Variants in GABRB1 observed in about 807,000 individuals in gnomAD.
GABRB1 encodes the protein gamma-aminobutyric acid type A receptor subunit beta1, also known as gamma-aminobutyric acid receptor subunit beta-1.
GABRB1 carries 17 observed loss-of-function variants against 51.6 expected under a neutral mutation model. That is an observed-to-expected ratio of 0.33 (90% CI 0.23 to 0.49). GABRB1 has a LOEUF of 0.49. Ranked by LOEUF, GABRB1 falls within the 20% of genes least tolerant of loss-of-function variation. The pLI, the probability that GABRB1 is intolerant of heterozygous loss-of-function variation, is 0.99. For missense variants in GABRB1, 410 were observed against 600.6 expected (o/e 0.68, Z 3.32); for synonymous variants, 247 against 218.9 (o/e 1.13, Z -1.14).
At chr4:47,138,656 C>A (rs759873893) in intron 3 of GABRB1, among the ~76,000 whole-genome samples, 5 of 152,116 alleles carry the variant, frequency 3.3e-5, no homozygotes, top group Admixed American at 1.3e-4. Context: ...TGGTGCTGCT[C>A]GATACCTTTC....
intron 4 of GABRB1, among the ~76,000 whole-genome samples, chr4:47,195,472 TAGATA>T (rs1282819794): frequency 8.0e-5 from 7 of 87,666 alleles, no homozygotes; most frequent in Admixed American, 1.3e-4. Flanking sequence ...GATAGATAGA[TAGATA>T]GATAGATAGA....
chr4:47,089,018 T>A (rs1166875119), intron 3 of GABRB1, among the ~76,000 whole-genome samples: 1 of 152,236 alleles, frequency 6.6e-6, no homozygotes, highest in African/African-American at 2.4e-5. Flanking sequence ...CCAGGATTTT[T>A]AAAATGTTTA....
intron 3 of GABRB1, among the ~76,000 whole-genome samples, chr4:47,136,407 T>G (rs1716654410): frequency 6.6e-6 from 1 of 152,098 alleles, no homozygotes; most frequent in Admixed American, 6.6e-5. Context: ...TTGATTGACT[T>G]GTACAGCCTA....
chr4:47,064,397 T>G (rs4399957), intron 3 of GABRB1, among the ~76,000 whole-genome samples: 149,081 of 152,282 alleles, frequency 0.98, 73,003 homozygotes, highest in Middle Eastern at 1. Flanking sequence ...TACTTTGGGA[T>G]GCTGAGGCCG....
intron 3 of GABRB1, among the ~76,000 whole-genome samples, chr4:47,097,528 C>T (rs1714506660): frequency 6.6e-6 from 1 of 152,182 alleles, no homozygotes; most frequent in African/African-American, 2.4e-5. Context: ...ACACTTCTTC[C>T]ATTTTACATC....
intron 4 of GABRB1, among the ~76,000 whole-genome samples, chr4:47,287,035 C>T (rs1033708002): frequency 6.6e-6 from 1 of 152,156 alleles, no homozygotes; most frequent in Non-Finnish European, 1.5e-5. Context: ...TTTCCCTACA[C>T]CGCATTGGCC....
At chr4:47,035,610 C>T (rs769185447) in intron 3 of GABRB1, among the ~76,000 whole-genome samples, 2 of 151,902 alleles carry the variant, frequency 1.3e-5, no homozygotes, top group Non-Finnish European at 2.9e-5. Flanking sequence ...ACCTTCAAAC[C>T]TTGTCTTTTA....
rs567786901 is a variant in GABRB1 at position 47,411,366 on chromosome 4, G to A, written c.1080+4440G>A. ...GCAAAAACTTGGATGTCTCTCAAGG[G>A]CATTAGGTTGAGTGAAAAAAAACAG... On this transcript the variant is annotated intron_variant, in intron 8 of 8. Transcript: ENST00000295454. 3.3e-5 allele frequency among the ~76,000 whole-genome samples: 5 copies of A among 152,148 alleles called. No homozygotes were observed. The South Asian group carries it at 8.3e-4, about 25-fold the overall frequency.
At chr4:47,054,046 T>G (rs1053246608) in intron 3 of GABRB1, among the ~76,000 whole-genome samples, 4 of 152,056 alleles carry the variant, frequency 2.6e-5, no homozygotes, top group African/African-American at 9.7e-5. Context: ...AATGTAAAAT[T>G]GACTTTTTTA....
At chr4:46,995,721 C>T (rs924971219) in intron 1 of GABRB1, among the ~76,000 whole-genome samples, 3 of 151,986 alleles carry the variant, frequency 2.0e-5, no homozygotes, top group Admixed American at 1.3e-4. Flanking sequence ...AACCACTTTC[C>T]CTTGCAATTT....
intron 5 of GABRB1, among the ~76,000 whole-genome samples, chr4:47,351,519 A>C (rs1726331041): frequency 1.3e-5 from 2 of 150,730 alleles, no homozygotes; most frequent in South Asian, 4.3e-4. Context: ...TTAACTTGTC[A>C]TTTAGCATTA....
At chr4:46,998,265 T>C (rs1577810171) in intron 1 of GABRB1, among the ~76,000 whole-genome samples, 1 of 152,214 alleles carries the variant, frequency 6.6e-6, no homozygotes, top group Admixed American at 6.5e-5. Flanking sequence ...TATTATAGTA[T>C]GTATTTTAGA....
At chr4:47,130,498 C>T (rs1343222925) in intron 3 of GABRB1, among the ~76,000 whole-genome samples, 1 of 152,090 alleles carries the variant, frequency 6.6e-6, no homozygotes, top group East Asian at 1.9e-4. Flanking sequence ...AGCCCACTTC[C>T]CTCTTTTGCT....
chr4:47,158,137 A>T (rs1332558424), intron 3 of GABRB1, among the ~76,000 whole-genome samples: 1 of 152,038 alleles, frequency 6.6e-6, no homozygotes, highest in Non-Finnish European at 1.5e-5. Context: ...CCATACACGC[A>T]CACACACACA....
intron 5 of GABRB1, among the ~76,000 whole-genome samples, chr4:47,342,029 G>A (rs1725919298): frequency 6.6e-6 from 1 of 152,136 alleles, no homozygotes; most frequent in Admixed American, 6.6e-5. Flanking sequence ...TAGCATTGAG[G>A]TCAAACTCAC....
rs112783967 is a variant in GABRB1, at chr4:47,249,124, G to A, written c.462-71003G>A. Among the ~76,000 whole-genome samples the A allele has an allele frequency of 1.6e-3, 245 of 152,028 alleles. 2 individuals carry two copies. The highest frequency in any genetic ancestry group is 5.2e-3 in the African/African-American group (216 of 41,514). On this transcript the variant is annotated intron_variant, in intron 4 of 8. Coordinates refer to ENST00000295454, the MANE Select transcript of GABRB1 (RefSeq NM_000812.4). ...TAGAATGTCCATTTGTACTCTTTCA[G>A]TCTTTTTGATGTAGGCATTTAGGGA...
At chr4:47,078,784 T>G (rs200248461) in intron 3 of GABRB1, among the ~76,000 whole-genome samples, 1 of 152,312 alleles carries the variant, frequency 6.6e-6, no homozygotes, top group East Asian at 1.9e-4. Context: ...TATTGGGCAC[T>G]GCCCCTGGTT....
chr4:47,275,219 A>T (rs2109898876), intron 4 of GABRB1, among the ~76,000 whole-genome samples: 1 of 152,308 alleles, frequency 6.6e-6, no homozygotes, highest in East Asian at 1.9e-4. Flanking sequence ...ATGACAAAGA[A>T]GCAAGTCCAG....
intron 5 of GABRB1, among the ~76,000 whole-genome samples, chr4:47,326,875 A>G (rs542426978): frequency 1.3e-5 from 2 of 152,320 alleles, no homozygotes; most frequent in South Asian, 2.1e-4. Context: ...ATATCATAGT[A>G]GTATTTGTTT....
Sources: gnomAD v4.1 joint callset for allele counts (sites outside exome capture counted in the v4.1 genomes callset) on GRCh38, gnomAD v4.1.1 for gene constraint, MANE v1.5 for transcripts, NCBI Gene and HGNC (gene_info 2026-07-23, HGNC 2026-07-21) for gene names.